Variants in BICC1 observed in about 807,000 individuals in gnomAD.
BICC1 encodes the protein protein bicaudal C homolog 1.
In BICC1, 43 loss-of-function variants were observed where a neutral mutation model predicts 111.0. The observed-to-expected ratio is 0.39, with a 90% CI of 0.30 to 0.50. The LOEUF is 0.50. Among genes scored for constraint, BICC1 ranks in the 20% least tolerant of loss-of-function variants. The probability of loss-of-function intolerance (pLI) is 0.88; values close to 1 mark genes in which losing one functional copy is unlikely to be tolerated. For missense variants in BICC1, 1,091 were observed against 1,203.2 expected, an observed-to-expected ratio of 0.91 and a Z score of 1.38; for synonymous variants, 467 against 434.4, an observed-to-expected ratio of 1.07 and a Z score of -0.93.
intron 2 of BICC1, among the ~76,000 whole-genome samples, chr10:58,677,637 CAGG>C (rs1231396670): frequency 3.9e-5 from 6 of 152,162 alleles, no homozygotes; most frequent in Non-Finnish European, 8.8e-5. Flanking sequence ...GGCTGTTCTC[CAGG>C]AGAACTTTCC....
chr10:58,605,624 A>G (rs1002363824), intron 1 of BICC1, among the ~76,000 whole-genome samples: 2 of 152,250 alleles, frequency 1.3e-5, no homozygotes, highest in Non-Finnish European at 2.9e-5. Flanking sequence ...ACCTGTGCAT[A>G]TCCTCTGTAC....
intron 1 of BICC1, among the ~76,000 whole-genome samples, chr10:58,520,165 CTTAG>C (rs1390481916): frequency 2.6e-5 from 4 of 152,122 alleles, no homozygotes; most frequent in Non-Finnish European, 5.9e-5. Flanking sequence ...TTGACTCATT[CTTAG>C]TTCGTTTTAA....
rs1483183126 is a variant in BICC1, at chr10:58,830,868, CA to C, written c.*1979del. ...ATGCTAAACATGTAGTACAGGTTAA[CA>C]ATACCAGATTTATGTCCTGTTCAAC... On this transcript the variant is annotated 3_prime_UTR_variant, in exon 21 of 21. Coordinates refer to ENST00000373886, the MANE Select transcript of BICC1 (RefSeq NM_001080512.3). 6.6e-6 allele frequency: 1 copy of C among 152,162 alleles called. No individual in the cohort carries two copies. Among genetic ancestry groups the C allele is most frequent in the African/African-American group, 2.4e-5 (1 of 41,420 alleles). The allele number at this position is 152,162 out of a possible 1,614,324, so 9.4% of individuals were successfully genotyped here.
intron 2 of BICC1, among the ~76,000 whole-genome samples, chr10:58,692,751 T>C (rs1165628061): frequency 6.6e-6 from 1 of 152,164 alleles, no homozygotes; most frequent in African/African-American, 2.4e-5. Flanking sequence ...TTTCATCCTG[T>C]GTGCTTTCAA....
chr10:58,619,539 A>C (rs12358952), intron 1 of BICC1, among the ~76,000 whole-genome samples: 51,114 of 148,858 alleles, frequency 0.34, 9,890 homozygotes, highest in East Asian at 0.47. Context: ...CAGTGGTGCA[A>C]TCTCGGCTCA....
intron 1 of BICC1, among the ~76,000 whole-genome samples, chr10:58,589,312 A>G (rs1304952960): frequency 6.6e-6 from 1 of 152,172 alleles, no homozygotes; most frequent in Non-Finnish European, 1.5e-5. Flanking sequence ...TTCTGGGGGA[A>G]TCCAGTCTAA....
rs533988691 is a variant in BICC1, at chr10:58,521,955, TAG to T, written c.190+8625_190+8626del. ...ACTTTGAGAAACATTGCAAGGTGGTTAGAGGATGGTGAAATCATTGAAGTTAA... is the reference window on the plus strand; with the variant it reads ...ACTTTGAGAAACATTGCAAGGTGGTTAGGATGGTGAAATCATTGAAGTTAA... On this transcript the variant is annotated intron_variant, in intron 1 of 20. Coordinates refer to ENST00000373886, the MANE Select transcript of BICC1 (RefSeq NM_001080512.3). Among the ~76,000 whole-genome samples the T allele has an allele frequency of 2.2e-3, 340 of 151,924 alleles. 1 individual carries two copies. Among genetic ancestry groups the T allele is most frequent in the African/African-American group, 7.8e-3 (325 of 41,510 alleles).
At chr10:58,787,370 C>T (rs553582028) in intron 5 of BICC1, among the ~76,000 whole-genome samples, 3 of 152,240 alleles carry the variant, frequency 2.0e-5, no homozygotes, top group Admixed American at 2.0e-4. Context: ...GAGAGCATAT[C>T]GTTTAGGACC....
chr10:58,762,790 TG>T lies in BICC1; in HGVS notation c.308-22210del, dbSNP rs137901734. On this transcript the variant is annotated intron_variant, in intron 3 of 20. Transcript: ENST00000373886. ...GAAGTTAATAGTCATTGACAAAACT[TG>T]AAAATGTACTTTAAAAACTTTAAAA... 2.8e-3 allele frequency among the ~76,000 whole-genome samples: 421 copies of T among 151,984 alleles called. 1 individual carries two copies. Among genetic ancestry groups the T allele is most frequent in the African/African-American group, 9.7e-3 (402 of 41,312 alleles).
chr10:58,604,620 C>T (rs939216681), intron 1 of BICC1, among the ~76,000 whole-genome samples: 11 of 151,976 alleles, frequency 7.2e-5, no homozygotes, highest in African/African-American at 1.7e-4. Context: ...GAGATCACGC[C>T]GCTGCACTCC....
intron 3 of BICC1, among the ~76,000 whole-genome samples, chr10:58,735,760 T>G (rs956102255): frequency 6.6e-6 from 1 of 152,236 alleles, no homozygotes; most frequent in African/African-American, 2.4e-5. Flanking sequence ...GTGAATATTG[T>G]TGAATGTGAA....
chr10:58,684,138 G>A (rs1018974892), intron 2 of BICC1, among the ~76,000 whole-genome samples: 2 of 151,520 alleles, frequency 1.3e-5, no homozygotes, highest in African/African-American at 4.8e-5. Flanking sequence ...ATAATCGTAT[G>A]GTTTTTCTCT....
intron 1 of BICC1, among the ~76,000 whole-genome samples, chr10:58,514,227 G>T (rs752736262): frequency 2.0e-5 from 3 of 152,154 alleles, no homozygotes; most frequent in Non-Finnish European, 2.9e-5. Context: ...CACCGATGTG[G>T]CTCATTTCCC....
intron 1 of BICC1, among the ~76,000 whole-genome samples, chr10:58,571,522 G>T (rs1368699464): frequency 2.1e-5 from 3 of 141,480 alleles, no homozygotes. Flanking sequence ...CCTGATGTGT[G>T]TTGTTCCACC....
chr10:58,593,882 A>G (rs1844720063), intron 1 of BICC1, among the ~76,000 whole-genome samples: 1 of 152,016 alleles, frequency 6.6e-6, no homozygotes, highest in South Asian at 2.1e-4. Context: ...AGTTTGACAA[A>G]TTGACAGACG....
At chr10:58,572,195 G>T (rs911727767) in intron 1 of BICC1, among the ~76,000 whole-genome samples, 1 of 151,848 alleles carries the variant, frequency 6.6e-6, no homozygotes, top group African/African-American at 2.4e-5. Context: ...TCGTAAATTT[G>T]TCTAAGTTCC....
chr10:58,782,356 A>C (rs1432836154), intron 3 of BICC1, among the ~76,000 whole-genome samples: 3 of 152,232 alleles, frequency 2.0e-5, no homozygotes, highest in Non-Finnish European at 4.4e-5. Context: ...ATACAAATTT[A>C]TCCTATAGAA....
At chr10:58,792,867 C>G (rs962708780) in intron 8 of BICC1, among the ~76,000 whole-genome samples, 1 of 151,960 alleles carries the variant, frequency 6.6e-6, no homozygotes, top group Admixed American at 6.6e-5. Context: ...TCCCCTGGTC[C>G]ATGAAAAAAT....
At chr10:58,552,156 C>T (rs1391013509) in intron 1 of BICC1, among the ~76,000 whole-genome samples, 1 of 151,552 alleles carries the variant, frequency 6.6e-6, no homozygotes, top group African/African-American at 2.4e-5. Flanking sequence ...GTTCACTCTT[C>T]ATGTGTTAAG....
Sources: gnomAD v4.1 joint callset for allele counts (sites outside exome capture counted in the v4.1 genomes callset) on GRCh38, gnomAD v4.1.1 for gene constraint, MANE v1.5 for transcripts, NCBI Gene and HGNC (gene_info 2026-07-23, HGNC 2026-07-21) for gene names.